DYNC2H1: variants seen among roughly 807,000 people sequenced by gnomAD.
DYNC2H1 encodes the protein dynein cytoplasmic 2 heavy chain 1.
A neutral mutation model predicts 570.0 loss-of-function variants in DYNC2H1; 410 were observed. The observed-to-expected ratio is 0.72, with a 90% confidence interval of 0.66 to 0.78. DYNC2H1 has a LOEUF of 0.78. Among genes scored for constraint, DYNC2H1 ranks in the 30% least tolerant of loss-of-function variants. DYNC2H1 has a pLI of 0.00. For synonymous variants in DYNC2H1, 1,688 were observed against 1,677.6 expected (o/e 1.01, Z -0.15); for missense variants, 4,865 against 5,046.4 (o/e 0.96, Z 1.09).
At position 103,234,224 on chromosome 11, in the gene DYNC2H1, G is replaced by A. The variant is rs1864134709; in HGVS notation, c.9567+64G>A. On this transcript the variant is annotated intron_variant, in intron 61 of 88. Transcript: ENST00000375735. Reference sequence around the variant, plus strand: ...AACTGCAGGAAATCTATAATGTAATGTATGTTAAGAAAAAGGAGAGAAAGA... The same window carrying A: ...AACTGCAGGAAATCTATAATGTAATATATGTTAAGAAAAAGGAGAGAAAGA... 24 of 1,489,594 alleles carry A rather than the reference G, an allele frequency of 1.6e-5. No homozygotes were observed. In the South Asian group the frequency reaches 2.9e-4, roughly 18 times the overall value. 92.3% of individuals were successfully genotyped at this position (1,489,594 alleles called of 1,614,324 possible). A position where few individuals can be genotyped will look rare whatever the true frequency, so the allele number is the denominator to read the frequency against.
chr11:103,341,721 C>T (rs1031173933), intron 82 of DYNC2H1, among the ~76,000 whole-genome samples: 2 of 152,146 alleles, frequency 1.3e-5, no homozygotes, highest in African/African-American at 4.8e-5. Context: ...CAAATAGAGT[C>T]ACATTTCTCA....
chr11:103,149,741 C>T (rs1042135381), intron 20 of DYNC2H1, among the ~76,000 whole-genome samples: 2 of 151,688 alleles, frequency 1.3e-5, no homozygotes, highest in African/African-American at 4.8e-5. Flanking sequence ...TGAACATATT[C>T]TATTCTCATG....
chr11:103,406,854 G>A (rs1442432990), intron 84 of DYNC2H1: 1 of 151,884 alleles, frequency 6.6e-6, no homozygotes, highest in Non-Finnish European at 1.5e-5. Flanking sequence ...TTTGTCATGT[G>A]AGGAGAAGTA....
At chr11:103,180,362 G>A (rs1168333776) in intron 39 of DYNC2H1, among the ~76,000 whole-genome samples, 4 of 151,626 alleles carry the variant, frequency 2.6e-5, no homozygotes, top group Non-Finnish European at 5.9e-5. Flanking sequence ...TCACATAGAG[G>A]AGGCAAATTT....
chr11:103,188,481 A>G lies in DYNC2H1; in HGVS notation c.7141-16A>G. On this transcript the variant is annotated splice_polypyrimidine_tract_variant and intron_variant, in intron 43 of 88. Transcript: ENST00000375735. ...CTTAGATAAAAAACGTTTAAAATAT[A>G]TTTATTTTCAAATAGGTATTGACGT... 1.3e-6 allele frequency: 2 copies of G among 1,513,766 alleles called. No homozygotes were observed. The highest frequency in any genetic ancestry group is 8.9e-7 in the Non-Finnish European group (1 of 1,119,034). 93.8% of individuals were successfully genotyped at this position (1,513,766 alleles called of 1,614,324 possible). A position where few individuals can be genotyped will look rare whatever the true frequency, so the allele number is the denominator to read the frequency against.
Position 103,203,612 on chromosome 11 carries a change from A to G in DYNC2H1, c.8198-51A>G. On this transcript the variant is annotated intron_variant, in intron 50 of 88. Coordinates refer to ENST00000375735, the MANE Select transcript of DYNC2H1 (RefSeq NM_001377.3). This position sits in a 1 kb window ranked among gnomAD's most constrained non-coding sequence, Gnocchi z 4.7. The stretch of plus-strand genomic sequence containing the variant: ...GCAGATTTTTAAATACAAAAATTGA[A>G]AAAGCATCATTTATTAAAATGTTTT... 2 of 1,216,662 alleles carry G rather than the reference A, an allele frequency of 1.6e-6. No homozygotes were observed. The highest frequency in any genetic ancestry group is 2.3e-6 in the Non-Finnish European group (2 of 877,656). The allele number at this position is 1,216,662 out of a possible 1,614,324, so 75.4% of individuals were successfully genotyped here. A position where few individuals can be genotyped will look rare whatever the true frequency, so the allele number is the denominator to read the frequency against.
At chr11:103,110,722 T>C (rs1017770774) in intron 1 of DYNC2H1, among the ~76,000 whole-genome samples, 1 of 152,124 alleles carries the variant, frequency 6.6e-6, no homozygotes, top group Non-Finnish European at 1.5e-5. Flanking sequence ...TAGATTTAAG[T>C]TAATAAAACA....
Position 103,116,699 on chromosome 11 carries a change from C to A in DYNC2H1, c.751C>A (p.Leu251Ile), listed in dbSNP as rs1858417838. 6.3e-7 allele frequency: 1 copy of A among 1,597,492 alleles called. No homozygotes were observed. The change falls in exon 5 of 89, where the codon CTC (leucine) becomes ATC (isoleucine). Residue 251 changes from leucine (L) to isoleucine (I), a missense_variant. This residue lies in a region of DYNC2H1 where 1,936 missense variants were observed against 1,962.1 expected (regional missense o/e 0.99). Transcript: ENST00000375735. Reference sequence around the variant, plus strand: ...TTATCCTGAGTCACGAATGTTGCATCTCTTAGACATCATAGGTACTAGTAA... The same window carrying A: ...TTATCCTGAGTCACGAATGTTGCATATCTTAGACATCATAGGTACTAGTAA... ...DHYPESRMLHLLDIIGGSFGR... is the reference protein window; with the variant it reads ...DHYPESRMLHILDIIGGSFGR...
intron 54 of DYNC2H1, among the ~76,000 whole-genome samples, chr11:103,214,177 G>A (rs1042564539): frequency 7.9e-5 from 12 of 152,186 alleles, no homozygotes; most frequent in African/African-American, 2.9e-4. Flanking sequence ...CCATTGGTCT[G>A]TGTGTCTGTT....
At chr11:103,247,823 G>A (rs775130888) in intron 65 of DYNC2H1, among the ~76,000 whole-genome samples, 1 of 151,952 alleles carries the variant, frequency 6.6e-6, no homozygotes, top group African/African-American at 2.4e-5. Context: ...TTGTACCTGT[G>A]GTTAGTTGAT....
intron 85 of DYNC2H1, among the ~76,000 whole-genome samples, chr11:103,438,804 C>T (rs1944153085): frequency 6.6e-6 from 1 of 152,044 alleles, no homozygotes; most frequent in Non-Finnish European, 1.5e-5. Context: ...CAATAACTGC[C>T]TCACAGATCT....
intron 69 of DYNC2H1, among the ~76,000 whole-genome samples, chr11:103,258,495 G>A (rs775158052): frequency 1.4e-4 from 21 of 152,280 alleles, no homozygotes; most frequent in Non-Finnish European, 1.9e-4. Context: ...GTTTCACAAC[G>A]TCTAGGACCT....
chr11:103,279,063 T>C (rs1866025899), intron 70 of DYNC2H1, among the ~76,000 whole-genome samples: 1 of 152,194 alleles, frequency 6.6e-6, no homozygotes, highest in South Asian at 2.1e-4. Context: ...TTCCACAACA[T>C]TTAAAAGATG....
intron 84 of DYNC2H1, among the ~76,000 whole-genome samples, chr11:103,423,966 A>G (rs567569156): frequency 1.8e-4 from 27 of 152,138 alleles, no homozygotes; most frequent in Non-Finnish European, 3.5e-4. Flanking sequence ...TTATAATAGC[A>G]TTGAAAAGAA....
intron 17 of DYNC2H1, among the ~76,000 whole-genome samples, chr11:103,141,262 T>C (rs1429792775): frequency 2.0e-5 from 3 of 152,234 alleles, no homozygotes; most frequent in Admixed American, 2.0e-4. Context: ...ACTGCATTCC[T>C]TTGGAGGAGG....
chr11:103,160,103 A>C (rs1861024699), intron 28 of DYNC2H1, among the ~76,000 whole-genome samples: 1 of 152,158 alleles, frequency 6.6e-6, no homozygotes, highest in South Asian at 2.1e-4. Context: ...AAACTCTTGC[A>C]ATCAGAACCC....
chr11:103,158,283 T>C (rs539852812), intron 26 of DYNC2H1, among the ~76,000 whole-genome samples: 1 of 152,030 alleles, frequency 6.6e-6, no homozygotes, highest in Non-Finnish European at 1.5e-5. Flanking sequence ...CCGTCTCTAC[T>C]AAAATATACA....
rs1864890343 is a variant in DYNC2H1, at chr11:103,252,893, T to C, written c.10043-392T>C. Among the ~76,000 whole-genome samples, 1 of 152,208 alleles carries C rather than the reference T, an allele frequency of 6.6e-6. No homozygotes were observed. On this transcript the variant is annotated intron_variant, in intron 65 of 88. Coordinates refer to ENST00000375735, the MANE Select transcript of DYNC2H1 (RefSeq NM_001377.3). The surrounding 1 kb of genome is among the most constrained non-coding windows in gnomAD (Gnocchi z 4.6). ...CTGTTTTCAAATACTGTATCTTAAA[T>C]ACTAGTGCAATAAACACTTTTAAAA...
chr11:103,283,341 A>G (rs1443447878), intron 73 of DYNC2H1, among the ~76,000 whole-genome samples: 1 of 152,132 alleles, frequency 6.6e-6, no homozygotes, highest in African/African-American at 2.4e-5. Flanking sequence ...CACCATGGTA[A>G]GTTAGGCTAT....
Sources: allele counts gnomAD v4.1 joint callset (sites outside exome capture counted in the v4.1 genomes callset), GRCh38; gene constraint gnomAD v4.1.1; regional missense constraint gnomAD v4.1.1; non-coding constraint Gnocchi (gnomAD v3.1); transcripts MANE v1.5; gene names NCBI Gene and HGNC (gene_info 2026-07-23, HGNC 2026-07-21).